Variants in CELF1 observed in about 807,000 individuals in gnomAD.
CELF1 encodes CUGBP Elav-like family member 1.
Under a neutral mutation model 61.8 loss-of-function variants are expected in CELF1, and 10 were observed. That is an observed-to-expected ratio of 0.16 (90% confidence interval 0.10 to 0.27). The LOEUF is 0.27. Ranked by LOEUF, CELF1 falls within the 10% of genes least tolerant of loss-of-function variation. CELF1 has a pLI of 1.00. For synonymous variants in CELF1, 236 were observed against 225.1 expected (o/e 1.05, Z -0.43); for missense variants, 380 against 639.1 (o/e 0.59, Z 4.37).
At chr11:47,546,425 C>T (rs186242553) in intron 1 of CELF1, among the ~76,000 whole-genome samples, 1 of 151,930 alleles carries the variant, frequency 6.6e-6, no homozygotes, top group Admixed American at 6.6e-5. Context: ...CGCCACCACA[C>T]CTGGCTAATT....
intron 1 of CELF1, among the ~76,000 whole-genome samples, chr11:47,518,608 T>G (rs1597717826): frequency 6.6e-6 from 1 of 152,132 alleles, no homozygotes; most frequent in African/African-American, 2.4e-5. Flanking sequence ...ATATCTTGTC[T>G]CTCTCTCCCT....
intron 3 of CELF1, among the ~76,000 whole-genome samples, chr11:47,495,460 G>A (rs2092904094): frequency 6.6e-6 from 1 of 152,136 alleles, no homozygotes. Flanking sequence ...GTGATGAAAT[G>A]TTCTGCAATT....
At chr11:47,515,251 T>G (rs934950543) in intron 1 of CELF1, among the ~76,000 whole-genome samples, 2 of 152,090 alleles carry the variant, frequency 1.3e-5, no homozygotes, top group African/African-American at 4.8e-5. Flanking sequence ...TACACAGAAG[T>G]AATACACAGA....
chr11:47,533,804 TCC>T (rs1250594144), intron 1 of CELF1, among the ~76,000 whole-genome samples: 3,265 of 51,938 alleles, frequency 0.063, 479 homozygotes, highest in African/African-American at 0.24. Flanking sequence ...AGCGAGACTC[TCC>T]CCCAAAAAAA....
intron 6 of CELF1, among the ~76,000 whole-genome samples, 168 bp downstream of exon 6, chr11:47,486,582 G>C (rs1485732770): frequency 6.6e-6 from 1 of 152,084 alleles, no homozygotes; most frequent in Non-Finnish European, 1.5e-5. Context: ...GCTAATGTTT[G>C]TATTTTTAGT....
chr11:47,553,297 G>A (rs1423528362), upstream of CELF1, among the ~76,000 whole-genome samples: 1 of 152,102 alleles, frequency 6.6e-6, no homozygotes, highest in Non-Finnish European at 1.5e-5. Context: ...GCGCCCCCTC[G>A]GGCTGGGAAG....
chr11:47,562,991 G>A (rs2097231346), intron 2 of CELF1, among the ~76,000 whole-genome samples: 2 of 152,046 alleles, frequency 1.3e-5, no homozygotes, highest in African/African-American at 4.8e-5. Context: ...GGGATTACAG[G>A]TGTGAGCCAC....
rs980964447 is a variant in CELF1, at chr11:47,471,769, C to T, written c.*461G>A. The T allele has an allele frequency of 1.3e-5, 2 of 155,026 alleles. No homozygotes were observed. The highest frequency in any genetic ancestry group is 4.8e-5 in the African/African-American group (2 of 41,474). 9.6% of individuals were successfully genotyped at this position (155,026 alleles called of 1,614,324 possible). On this transcript the variant is annotated 3_prime_UTR_variant, in exon 15 of 15. Transcript: ENST00000687097. Reference sequence around the variant, plus strand: ...GGTGTCAGTTCTCATTCTACCCACCCTCACACTAAGAGAGGTTCTGGGGGT... The same window carrying T: ...GGTGTCAGTTCTCATTCTACCCACCTTCACACTAAGAGAGGTTCTGGGGGT...
At chr11:47,488,295 C>T (rs2088967078) in intron 4 of CELF1, among the ~76,000 whole-genome samples, 1 of 152,336 alleles carries the variant, frequency 6.6e-6, no homozygotes, top group East Asian at 1.9e-4. Flanking sequence ...TCCGCCTTTC[C>T]TCTCCTGTTC....
intron 1 of CELF1, among the ~76,000 whole-genome samples, chr11:47,538,667 C>A (rs1408222707): frequency 6.6e-6 from 1 of 151,522 alleles, no homozygotes; most frequent in African/African-American, 2.4e-5. Context: ...AAAAAATCTC[C>A]ATTTCAAAAC....
At chr11:47,564,880 T>C (rs1213302713) in intron 1 of CELF1, among the ~76,000 whole-genome samples, 1 of 152,228 alleles carries the variant, frequency 6.6e-6, no homozygotes, top group Non-Finnish European at 1.5e-5. Flanking sequence ...GAGCTCTTCA[T>C]AATATTTTTC....
intron 8 of CELF1, 135 bp from the exon 9 acceptor site, chr11:47,482,991 G>C: frequency 1.2e-6 from 1 of 822,910 alleles, no homozygotes. Context: ...ATAGACACAA[G>C]AGAGAAGAGA....
At chr11:47,515,946 T>G (rs2095528655) in intron 1 of CELF1, among the ~76,000 whole-genome samples, 1 of 152,086 alleles carries the variant, frequency 6.6e-6, no homozygotes, top group Non-Finnish European at 1.5e-5. Context: ...AGATAGAGTC[T>G]TGCTCTGTCA....
chr11:47,486,403 C>T (rs143531041), intron 6 of CELF1, among the ~76,000 whole-genome samples: 1 of 151,854 alleles, frequency 6.6e-6, no homozygotes, highest in Non-Finnish European at 1.5e-5. Flanking sequence ...AGCAAACAAA[C>T]TAGGCAGAAA....
chr11:47,538,370 G>C (rs180834436), intron 1 of CELF1, among the ~76,000 whole-genome samples: 1 of 152,152 alleles, frequency 6.6e-6, no homozygotes, highest in South Asian at 2.1e-4. Flanking sequence ...TTGGCTGGGC[G>C]TGGTGGCTCA....
At chr11:47,515,803 C>T (rs1056052586) in intron 1 of CELF1, among the ~76,000 whole-genome samples, 1 of 152,190 alleles carries the variant, frequency 6.6e-6, no homozygotes, top group Admixed American at 6.5e-5. Flanking sequence ...CCACAACCAA[C>T]CACTGGGACT....
chr11:47,553,821 T>A (rs1038085608), upstream of CELF1, among the ~76,000 whole-genome samples: 280 of 150,754 alleles, frequency 1.9e-3, 1 homozygote, highest in Middle Eastern at 0.014. Context: ...TATATATATT[T>A]TTTTTTCTTA....
intron 1 of CELF1, among the ~76,000 whole-genome samples, chr11:47,564,779 A>G (rs531028733): frequency 6.6e-6 from 1 of 152,372 alleles, no homozygotes; most frequent in East Asian, 1.9e-4. Flanking sequence ...CAACAGAGTG[A>G]GACTCCGTCT....
At chr11:47,548,656 G>A (rs2097050098) in intron 1 of CELF1, among the ~76,000 whole-genome samples, 1 of 151,360 alleles carries the variant, frequency 6.6e-6, no homozygotes, top group Admixed American at 6.6e-5. Context: ...ACCTGAGGTT[G>A]GGAGTTCGAG....
Sources: gnomAD v4.1 joint callset for allele counts (sites outside exome capture counted in the v4.1 genomes callset) on GRCh38, gnomAD v4.1.1 for gene constraint, MANE v1.5 for transcripts, NCBI Gene and HGNC (gene_info 2026-07-23, HGNC 2026-07-21) for gene names.